The following RSRC2 variants were observed in gnomAD, a reference collection of about 807,000 sequenced individuals.
The protein encoded by RSRC2 is arginine/serine-rich coiled-coil protein 2.
Under a neutral mutation model 61.3 loss-of-function variants are expected in RSRC2, and 5 were observed. That is an observed-to-expected ratio of 0.08 (90% CI 0.04 to 0.17). The LOEUF (loss-of-function observed/expected upper bound fraction) is 0.17. Among genes scored for constraint, RSRC2 ranks in the 10% least tolerant of loss-of-function variants. RSRC2 has a pLI of 1.00. For synonymous variants in RSRC2, 202 were observed against 166.5 expected, an observed-to-expected ratio of 1.21 and a Z score of -1.64; for missense variants, 381 against 518.8, an observed-to-expected ratio of 0.73 and a Z score of 2.58.
In RSRC2 at chr12:122,518,592, C is replaced by CAAA. The variant is rs11417312; in HGVS notation, c.398+244_398+246dup. On this transcript the variant is annotated intron_variant, in intron 4 of 9. Transcript: ENST00000331738. ...TGGGCAACACAGCAAGACTCCGTGT[C>CAAA]AAAAAAAAAAAAGGGAAAAGAAATC... Among the ~76,000 whole-genome samples the CAAA allele has an allele frequency of 1.1e-3, 154 of 144,330 alleles. 1 individual carries two copies. The highest frequency in any genetic ancestry group is 1.8e-3 in the Non-Finnish European group (118 of 66,038). 94.7% of individuals were successfully genotyped at this position (144,330 alleles called of 152,430 possible). A position where few individuals can be genotyped will look rare whatever the true frequency, so the allele number is the denominator to read the frequency against.
At chr12:122,513,630 ATT>A (rs1432984148) in intron 6 of RSRC2, 1 of 205,334 alleles carries the variant, frequency 4.9e-6, no homozygotes, top group Non-Finnish European at 8.6e-6. Flanking sequence ...ACTAAATCCA[ATT>A]TTATAGTAAA....
At chr12:122,513,862 G>C in intron 6 of RSRC2, 2 of 964,296 alleles carry the variant, frequency 2.1e-6, no homozygotes, top group Non-Finnish European at 2.5e-6. Flanking sequence ...AACATAGGGA[G>C]ACCCCGTCTT....
At chr12:122,521,072 C>G in intron 3 of RSRC2, 1 of 283,934 alleles carries the variant, frequency 3.5e-6, no homozygotes, top group Non-Finnish European at 6.7e-6. Context: ...TGTCAGGCAC[C>G]AGGAGACTCG....
chr12:122,513,806 G>A (rs1013915363), intron 6 of RSRC2: 1 of 985,254 alleles, frequency 1.0e-6, no homozygotes, highest in Non-Finnish European at 1.2e-6. Context: ...GTCAGGCTGG[G>A]TTCCCAGGGA....
chr12:122,515,016 T>C (rs1231690533), intron 6 of RSRC2, 89 bp downstream of exon 6: 3 of 1,384,340 alleles, frequency 2.2e-6, no homozygotes, highest in Non-Finnish European at 3.0e-6. Context: ...ATGTGAATCA[T>C]TCTCTTACTG....
intron 3 of RSRC2, 48 bp from the exon 4 acceptor site, chr12:122,519,077 A>T (rs1565902206): frequency 2.0e-6 from 3 of 1,527,702 alleles, no homozygotes; most frequent in Non-Finnish European, 1.8e-6. Context: ...TGCAACAAAG[A>T]GAGTTAGTAT....
chr12:122,520,633 C>T (rs1420041312), intron 3 of RSRC2: 3 of 1,237,900 alleles, frequency 2.4e-6, no homozygotes, highest in Non-Finnish European at 3.3e-6. Context: ...ACAAAATAGT[C>T]ATTTTCACAA....
At chr12:122,523,545 C>A (rs899955689) in intron 1 of RSRC2, 5 of 152,100 alleles carry the variant, frequency 3.3e-5, no homozygotes. Context: ...AAATATTTAC[C>A]GTCTGGCCCT....
In RSRC2 at chr12:122,517,430, T is replaced by C; in HGVS notation, c.399A>G (p.Arg133=). The change falls in exon 5 of 10, where the codon AGA becomes AGG. Residue 133 remains arginine (R), a splice_region_variant and synonymous_variant. Transcript: ENST00000331738. ...GCTCCCTGCTTCTACTACGATGGCG[T>C]CTGAAATTAAAGTGCACAAATTTGT... ...RSHSRSRSRE[R]RHRSRSRERK... 2.5e-6 allele frequency: 4 copies of C among 1,614,150 alleles called. No homozygotes were observed. The highest frequency in any genetic ancestry group is 1.1e-5 in the South Asian group (1 of 91,088).
chr12:122,515,379 C>G (rs1438089053), intron 5 of RSRC2, 152 bp from the exon 6 acceptor site: 79 of 748,300 alleles, frequency 1.1e-4, no homozygotes, highest in Non-Finnish European at 4.3e-6. Context: ...TACAGCTGAA[C>G]TCATTGGAAA....
intron 5 of RSRC2, 107 bp downstream of exon 5, chr12:122,517,120 T>C (rs1958996165): frequency 1.0e-5 from 15 of 1,500,160 alleles, no homozygotes; most frequent in African/African-American, 1.4e-5. Flanking sequence ...TTTACCATAA[T>C]CTATAAATAG....
At chr12:122,522,896 T>A (rs574711463) in intron 1 of RSRC2, 1 of 152,350 alleles carries the variant, frequency 6.6e-6, no homozygotes, top group African/African-American at 2.4e-5. Context: ...TCTCCTCACA[T>A]GTGCTCTGGG....
chr12:122,503,482 G>A lies in RSRC2; in HGVS notation c.*2045C>T, dbSNP rs1260154944. 2.0e-5 allele frequency: 3 copies of A among 152,210 alleles called. No individual in the cohort carries two copies. Among genetic ancestry groups the A allele is most frequent in the Non-Finnish European group, 1.5e-5 (1 of 68,030 alleles). The allele number at this position is 152,210 out of a possible 1,614,324, so 9.4% of individuals were successfully genotyped here. A position where few individuals can be genotyped will look rare whatever the true frequency, so the allele number is the denominator to read the frequency against. ...ATATACACACATATTTTATTGGACA[G>A]TGCTGCTCTAGATGAGCAAAGTACA... On this transcript the variant is annotated 3_prime_UTR_variant, in exon 10 of 10. Coordinates refer to ENST00000331738, the MANE Select transcript of RSRC2 (RefSeq NM_023012.6).
At chr12:122,522,525 T>C (rs1593421819) in intron 1 of RSRC2, 1 of 380,406 alleles carries the variant, frequency 2.6e-6, no homozygotes, top group Admixed American at 4.5e-5. Context: ...GATGTATCTT[T>C]AATTTTCTAA....
intron 4 of RSRC2, 108 bp downstream of exon 4, chr12:122,518,731 C>T (rs10847103): frequency 0.19 from 164,034 of 883,272 alleles, 17,637 homozygotes; most frequent in East Asian, 0.46. Flanking sequence ...CCCAAACAAA[C>T]GAACAAGAAA....
In RSRC2 at chr12:122,504,204, GATGTTTTCC is replaced by G. The variant is rs565626388; in HGVS notation, c.*1314_*1322del. 191 of 152,216 alleles carry G rather than the reference GATGTTTTCC, an allele frequency of 1.3e-3. No individual in the cohort carries two copies. The highest frequency in any genetic ancestry group is 4.5e-3 in the African/African-American group (185 of 41,536). 9.4% of individuals were successfully genotyped at this position (152,216 alleles called of 1,614,324 possible). ...TGATTGTAATGTGCTCTCATTCTGTGATGTTTTCCAAAGGATTTTTCAAAGGAAAGCCAA... is the reference window on the plus strand; with the variant it reads ...TGATTGTAATGTGCTCTCATTCTGTGAAAGGATTTTTCAAAGGAAAGCCAA... On this transcript the variant is annotated 3_prime_UTR_variant, in exon 10 of 10. Coordinates refer to ENST00000331738, the MANE Select transcript of RSRC2 (RefSeq NM_023012.6).
At chr12:122,519,943 A>G (rs79064919) in intron 3 of RSRC2, 22 of 152,980 alleles carry the variant, frequency 1.4e-4, no homozygotes, top group Non-Finnish European at 2.5e-4. Context: ...CTGAATCACT[A>G]AATTTTAATT....
intron 6 of RSRC2, among the ~76,000 whole-genome samples, chr12:122,513,563 G>A (rs1285450514): frequency 6.6e-6 from 1 of 152,018 alleles, no homozygotes; most frequent in Non-Finnish European, 1.5e-5. Flanking sequence ...TGGCATTCAA[G>A]TAAATAAGAG....
rs1958481639 is a variant in RSRC2 at position 122,511,207 on chromosome 12, T to C, written c.726-19A>G. 1 of 1,565,222 alleles carries C rather than the reference T, an allele frequency of 6.4e-7. No individual in the cohort carries two copies. Among genetic ancestry groups the C allele is most frequent in the Non-Finnish European group, 8.7e-7 (1 of 1,143,330 alleles). ...TTCCAACCTGCAAAATTAATTTCAA[T>C]GAATTTAAAATAACACAATATAAAA... On this transcript the variant is annotated intron_variant, in intron 6 of 9. Coordinates refer to ENST00000331738, the MANE Select transcript of RSRC2 (RefSeq NM_023012.6).
Sources: allele counts gnomAD v4.1 joint callset (sites outside exome capture counted in the v4.1 genomes callset), GRCh38; gene constraint gnomAD v4.1.1; transcripts MANE v1.5; gene names NCBI Gene and HGNC (gene_info 2026-07-23, HGNC 2026-07-21).